Variants in SLC38A2 observed in about 807,000 individuals in gnomAD.
The protein encoded by SLC38A2 is solute carrier family 38 member 2.
A neutral mutation model predicts 61.5 loss-of-function variants in SLC38A2; 11 were observed. That is an observed-to-expected ratio of 0.18 (90% CI 0.11 to 0.30). SLC38A2 has a LOEUF of 0.30. Ranked by LOEUF, SLC38A2 falls within the 10% of genes least tolerant of loss-of-function variation. The pLI, the probability that SLC38A2 is intolerant of heterozygous loss-of-function variation, is 1.00. For synonymous variants in SLC38A2, 217 were observed against 212.5 expected (o/e 1.02, Z -0.18); for missense variants, 522 against 600.4 (o/e 0.87, Z 1.36).
At position 46,370,779 on chromosome 12, in the gene SLC38A2, TTC is replaced by T; in HGVS notation, c.193_194del (p.Glu65IlefsTer14). The T allele has an allele frequency of 6.2e-7, 1 of 1,610,816 alleles. No homozygotes were observed. Among genetic ancestry groups the T allele is most frequent in the Non-Finnish European group, 8.5e-7 (1 of 1,177,932 alleles). ...SNLGKKKYET[E>X]FHPGTTSFGM... ...CAAATTACTATTTTTAACTTACAAA[TTC>T]TGTTTCATACTTCTTCTTCCCCAAA... is the stretch of plus-strand genomic sequence containing the variant. On this transcript the variant is annotated frameshift_variant, in exon 3 of 16. Transcript: ENST00000256689. LOFTEE classifies it high-confidence loss of function.
chr12:46,370,588 G>C lies in SLC38A2; in HGVS notation c.238C>G (p.Leu80Val). Residue 80 changes from leucine (L) to valine (V), a missense_variant, in exon 4 of 16, where the codon CTG (leucine) becomes GTG (valine). By Grantham distance (32) the Leu-to-Val change is conservative (BLOSUM62 1). Coordinates refer to ENST00000256689, the MANE Select transcript of SLC38A2 (RefSeq NM_018976.5). ...TTSFGMSVFN[L>V]SNAIVGSGIL... Reference sequence around the variant, plus strand: ...CCACTGCCCACAATCGCATTGCTCAGATTAAATACTGACATTCCAAAGGAA... The same window carrying C: ...CCACTGCCCACAATCGCATTGCTCACATTAAATACTGACATTCCAAAGGAA... The C allele has an allele frequency of 6.2e-7, 1 of 1,614,120 alleles. No homozygotes were observed. The highest frequency in any genetic ancestry group is 8.5e-7 in the Non-Finnish European group (1 of 1,179,988).
In SLC38A2 at chr12:46,363,712, G is replaced by C. The variant is rs367782922; in HGVS notation, c.1054+14C>G. The C allele has an allele frequency of 5.4e-5, 81 of 1,504,430 alleles. No homozygotes were observed. The highest frequency in any genetic ancestry group is 6.9e-5 in the Non-Finnish European group (77 of 1,121,190). The allele number at this position is 1,504,430 out of a possible 1,614,324, so 93.2% of individuals were successfully genotyped here. ...TGTTTTTGTTTTTGTTTTGGTAAAG[G>C]AGGCGTTACTTACCGTAAAATGTTA... On this transcript the variant is annotated intron_variant, in intron 12 of 15. Coordinates refer to ENST00000256689, the MANE Select transcript of SLC38A2 (RefSeq NM_018976.5).
chr12:46,364,698 A>G lies in SLC38A2; in HGVS notation c.651T>C (p.Tyr217=). ...AGGAAAGGCCACTGGTATATCCCAAATATCCTATAAGGAGGGGTGGCAGGA... is the reference window on the plus strand; with the variant it reads ...AGGAAAGGCCACTGGTATATCCCAAGTATCCTATAAGGAGGGGTGGCAGGA... ...LPLSLFRNLG[Y]LGYTSGLSLL... Residue 217 remains tyrosine, a synonymous_variant, in exon 9 of 16, where the codon TAT becomes TAC. Transcript: ENST00000256689. The G allele has an allele frequency of 6.2e-7, 1 of 1,609,102 alleles. No individual in the cohort carries two copies. The highest frequency in any genetic ancestry group is 8.5e-7 in the Non-Finnish European group (1 of 1,177,716).
At position 46,364,489 on chromosome 12, in the gene SLC38A2, T is replaced by A; in HGVS notation, c.773A>T (p.Asn258Ile). 6.2e-7 allele frequency: 1 copy of A among 1,612,798 alleles called. No homozygotes were observed. The highest frequency in any genetic ancestry group is 2.2e-5 in the East Asian group (1 of 44,866). Reference sequence around the variant, plus strand: ...AGCTGTTGGCTGTGTTAAGGTGGTGTTTATTGTTTCGTTAATTATCAAAGC... The same window carrying A: ...AGCTGTTGGCTGTGTTAAGGTGGTGATTATTGTTTCGTTAATTATCAAAGC... The part of the protein sequence containing the change: ...EAALIINETI[N>I]TTLTQPTALV... Residue 258 changes from asparagine to isoleucine, a missense_variant, in exon 10 of 16, where the codon AAC (asparagine) becomes ATC (isoleucine). Physicochemically the swap from Asn to Ile is moderately radical, Grantham distance 149 (BLOSUM62 -3). Around this residue, in one of 3 missense-constraint regions of SLC38A2, gnomAD observed 309 missense variants for 343.9 expected, o/e 0.90. Transcript: ENST00000256689.
At chr12:46,362,425 T>TC (rs1943091189) in intron 14 of SLC38A2, 44 bp from the exon 15 acceptor site, 1 of 1,595,598 alleles carries the variant, frequency 6.3e-7, no homozygotes, top group South Asian at 1.1e-5. Flanking sequence ...AATGAACCAC[T>TC]CGTCATTCAT....
chr12:46,371,754 G>A (rs1943204934), intron 1 of SLC38A2: 1 of 175,126 alleles, frequency 5.7e-6, no homozygotes. Context: ...CCTGGCTCGT[G>A]TGCATGCAAC....
Position 46,360,063 on chromosome 12 carries a change from G to A in SLC38A2, c.*1048C>T, listed in dbSNP as rs185677356. The A allele has an allele frequency of 3.3e-3, 507 of 152,686 alleles. 3 individuals carry two copies. The highest frequency in any genetic ancestry group is 3.4e-3 in the Non-Finnish European group (230 of 68,014). 9.5% of individuals were successfully genotyped at this position (152,686 alleles called of 1,614,324 possible). ...GCATTTTGAAAAAGTGTACTCTCTGGACACAATAATTTTGGCCTATTGCCA... is the reference window on the plus strand; with the variant it reads ...GCATTTTGAAAAAGTGTACTCTCTGAACACAATAATTTTGGCCTATTGCCA... On this transcript the variant is annotated 3_prime_UTR_variant, in exon 16 of 16. Coordinates refer to ENST00000256689, the MANE Select transcript of SLC38A2 (RefSeq NM_018976.5).
chr12:46,361,288 G>T, intron 15 of SLC38A2, 79 bp from the exon 16 acceptor site: 1 of 1,144,184 alleles, frequency 8.7e-7, no homozygotes, highest in Non-Finnish European at 1.3e-6. Flanking sequence ...TTTGAAATGT[G>T]CTTTAATTAC....
chr12:46,365,168 G>A lies in SLC38A2; in HGVS notation c.585C>T (p.Asn195=). The A allele has an allele frequency of 6.2e-7, 1 of 1,613,386 alleles. No individual in the cohort carries two copies. Among genetic ancestry groups the A allele is most frequent in the Non-Finnish European group, 8.5e-7 (1 of 1,179,608 alleles). ...CCAATGACACCAACAGAACCAAATAGTTCCCGTTCAGATACCACAATCTAA... is the reference window on the plus strand; with the variant it reads ...CCAATGACACCAACAGAACCAAATAATTCCCGTTCAGATACCACAATCTAA... The part of the protein sequence containing the change: ...DKTGLWYLNG[N]YLVLLVSLVV... Residue 195 remains asparagine (N), a synonymous_variant, in exon 8 of 16, where the codon AAC becomes AAT. Transcript: ENST00000256689.
intron 4 of SLC38A2, among the ~76,000 whole-genome samples, chr12:46,369,280 C>T (rs1943170048): frequency 1.3e-5 from 2 of 152,182 alleles, no homozygotes; most frequent in African/African-American, 4.8e-5. Flanking sequence ...TTCTAGGATT[C>T]TACGTAAATC....
At chr12:46,365,359 G>T in intron 7 of SLC38A2, 170 bp from the exon 8 acceptor site, 1 of 634,294 alleles carries the variant, frequency 1.6e-6, no homozygotes, top group Non-Finnish European at 2.8e-6. Context: ...TTAATTTTGT[G>T]TGCTAGATGA....
intron 10 of SLC38A2, 34 bp from the exon 11 acceptor site, chr12:46,364,037 TGTAAC>T: frequency 6.5e-7 from 1 of 1,533,376 alleles, no homozygotes; most frequent in Non-Finnish European, 8.9e-7. Context: ...CTTAATCTGA[TGTAAC>T]GAACTCATGC....
rs1401961955 is a variant in SLC38A2 at position 46,358,342 on chromosome 12, C to T, written c.*2769G>A. ...TTACACTATATACACAAAGTTAATA[C>T]ACCCAGGTTCTCAAAGGTCTTCCAT... On this transcript the variant is annotated 3_prime_UTR_variant, in exon 16 of 16. Coordinates refer to ENST00000256689, the MANE Select transcript of SLC38A2 (RefSeq NM_018976.5). The T allele has an allele frequency of 6.6e-6, 1 of 152,576 alleles. No individual in the cohort carries two copies. The highest frequency in any genetic ancestry group is 1.5e-5 in the Non-Finnish European group (1 of 68,032). 9.5% of individuals were successfully genotyped at this position (152,576 alleles called of 1,614,324 possible). A position where few individuals can be genotyped will look rare whatever the true frequency, so the allele number is the denominator to read the frequency against.
In SLC38A2 at chr12:46,363,837, CAA is replaced by C; in HGVS notation, c.954-13_954-12del. ...CTTCTACGGCTGCGGCTATGTAATTCAAGAGAAAATTCAAATATATATTTCAG... is the reference window on the plus strand; with the variant it reads ...CTTCTACGGCTGCGGCTATGTAATTCGAGAAAATTCAAATATATATTTCAG... On this transcript the variant is annotated splice_polypyrimidine_tract_variant and intron_variant, in intron 11 of 15. Coordinates refer to ENST00000256689, the MANE Select transcript of SLC38A2 (RefSeq NM_018976.5). 1 of 1,585,242 alleles carries C rather than the reference CAA, an allele frequency of 6.3e-7. No individual in the cohort carries two copies. Among genetic ancestry groups the C allele is most frequent in the South Asian group, 1.2e-5 (1 of 85,936 alleles).
intron 12 of SLC38A2, 56 bp from the exon 13 acceptor site, chr12:46,363,201 G>C: frequency 2.5e-6 from 4 of 1,578,006 alleles, no homozygotes; most frequent in Non-Finnish European, 3.5e-6. Flanking sequence ...ACACCAAGTA[G>C]AAAATTTAAC....
Position 46,370,757 on chromosome 12 carries a change from A to C in SLC38A2, c.198+19T>G. ...ACTCCATAAAGCCACTGACAGACAA[A>C]TTACTATTTTTAACTTACAAATTCT... On this transcript the variant is annotated intron_variant, in intron 3 of 15. Transcript: ENST00000256689. The C allele has an allele frequency of 6.3e-7, 1 of 1,592,918 alleles. No homozygotes were observed.
At chr12:46,372,457 CT>C in intron 1 of SLC38A2, 51 bp downstream of exon 1, 2 of 375,412 alleles carry the variant, frequency 5.3e-6, no homozygotes, top group Non-Finnish European at 9.4e-6. Context: ...CCCTCCCCCA[CT>C]CTCGCCCGGG....
At chr12:46,362,736 G>A (rs1053602070) in intron 13 of SLC38A2, 98 bp from the exon 14 acceptor site, 4 of 1,266,876 alleles carry the variant, frequency 3.2e-6, no homozygotes, top group Non-Finnish European at 4.2e-6. Flanking sequence ...AAGTAACAAG[G>A]AATCTATCCA....
rs750353001 is a variant in SLC38A2, at chr12:46,367,178, G to T, written c.389-10C>A. On this transcript the variant is annotated splice_polypyrimidine_tract_variant and intron_variant, in intron 5 of 15. Transcript: ENST00000256689. ...TCATATAATAAAGACCCTACAATTT[G>T]AAGACAGAAGCATGAAGCCAAGGAT... The T allele has an allele frequency of 1.9e-6, 3 of 1,608,350 alleles. No individual in the cohort carries two copies. Among genetic ancestry groups the T allele is most frequent in the Non-Finnish European group, 2.6e-6 (3 of 1,175,314 alleles).
Sources: gnomAD v4.1 joint callset for allele counts (sites outside exome capture counted in the v4.1 genomes callset) on GRCh38, gnomAD v4.1.1 for gene constraint, gnomAD v4.1.1 regional missense constraint, MANE v1.5 for transcripts, NCBI Gene and HGNC (gene_info 2026-07-23, HGNC 2026-07-21) for gene names.